Variants in ABCC11 observed in about 807,000 individuals in gnomAD.
ABCC11 encodes the protein ATP binding cassette subfamily C member 11.
Under a neutral mutation model 149.3 loss-of-function variants are expected in ABCC11, and 135 were observed. That is an observed-to-expected ratio of 0.90 (90% CI 0.79 to 1.04). The LOEUF (loss-of-function observed/expected upper bound fraction) is 1.04. Among genes scored for constraint, ABCC11 ranks in the 50% least tolerant of loss-of-function variants. The pLI, the probability that ABCC11 is intolerant of heterozygous loss-of-function variation, is 0.00. For missense variants in ABCC11, 1,680 were observed against 1,722.1 expected (o/e 0.98, Z 0.43); for synonymous variants, 665 against 671.4 (o/e 0.99, Z 0.15).
At chr16:48,181,974 T>C (rs1226720152) in intron 23 of ABCC11, among the ~76,000 whole-genome samples, 4 of 152,142 alleles carry the variant, frequency 2.6e-5, no homozygotes, top group Non-Finnish European at 5.9e-5. Context: ...ACTGAATGCC[T>C]GGAAGAGAGC....
At chr16:48,191,348 C>T (rs1316552031) in intron 20 of ABCC11, among the ~76,000 whole-genome samples, 2 of 152,092 alleles carry the variant, frequency 1.3e-5, no homozygotes, top group African/African-American at 2.4e-5. Context: ...CCAGCCTGCG[C>T]AACATGGCAA....
chr16:48,215,983 G>T, intron 7 of ABCC11, 131 bp downstream of exon 7: 1 of 979,576 alleles, frequency 1.0e-6, no homozygotes, highest in Non-Finnish European at 1.5e-6. Flanking sequence ...GTAGGGAGTG[G>T]AGCTGAATCT....
At chr16:48,180,394 T>G (rs1429180755) in intron 23 of ABCC11, among the ~76,000 whole-genome samples, 1 of 152,210 alleles carries the variant, frequency 6.6e-6, no homozygotes, top group Non-Finnish European at 1.5e-5. Flanking sequence ...AAAGCCAGGC[T>G]GTGGATGCCA....
At chr16:48,217,745 C>G (rs1269258058) in intron 6 of ABCC11, among the ~76,000 whole-genome samples, 1 of 152,200 alleles carries the variant, frequency 6.6e-6, no homozygotes, top group Non-Finnish European at 1.5e-5. Flanking sequence ...GTTTCCAGGA[C>G]ATGCCCTAGT....
chr16:48,211,269 T>C, intron 10 of ABCC11, 70 bp from the exon 11 acceptor site: 1 of 1,541,332 alleles, frequency 6.5e-7, no homozygotes, highest in South Asian at 1.2e-5. Context: ...GTGTTCCCAG[T>C]TTTACAAGTC....
At chr16:48,225,236 C>T (rs375933464) in intron 4 of ABCC11, among the ~76,000 whole-genome samples, 2 of 152,094 alleles carry the variant, frequency 1.3e-5, no homozygotes, top group South Asian at 4.2e-4. Context: ...AATAAAATAA[C>T]ACCACAGTAA....
rs745313037 is a variant in ABCC11, at chr16:48,175,348, C to T, written c.3608G>A (p.Gly1203Asp). Reference protein sequence around the residue: ...EPMAGRILIDGVDICSIGLED... With the variant: ...EPMAGRILIDDVDICSIGLED... ...CAGGCCGATGCTGCAAATGTCCACG[C>T]CGTCAATGAGAATCCGGCCTGCCAT... The change falls in exon 26 of 30, where the codon GGC becomes GAC. Residue 1203 changes from glycine (G) to aspartate (D), a missense_variant. By Grantham distance (94) the Gly-to-Asp change is moderately conservative (BLOSUM62 -1). Coordinates refer to ENST00000356608, the MANE Select transcript of ABCC11 (RefSeq NM_001370497.1). The T allele has an allele frequency of 3.3e-5, 53 of 1,614,036 alleles. No individual in the cohort carries two copies. In the East Asian group the frequency reaches 1.1e-3, roughly 35 times the overall value.
chr16:48,234,885 C>T (rs1416491470), intron 1 of ABCC11, among the ~76,000 whole-genome samples: 2 of 152,144 alleles, frequency 1.3e-5, no homozygotes, highest in Non-Finnish European at 2.9e-5. Context: ...AAAAGACCTC[C>T]CCTGGGAAAG....
At chr16:48,168,111 CTG>C (rs1193602250) in intron 28 of ABCC11, among the ~76,000 whole-genome samples, 12 of 152,122 alleles carry the variant, frequency 7.9e-5, no homozygotes, top group South Asian at 4.1e-4. Context: ...CATGAGGAAA[CTG>C]TAACTCACAC....
Position 48,219,596 on chromosome 16 carries a change from G to A in ABCC11, c.777+3002C>T, listed in dbSNP as rs768375508. ...ATTTTATTTTGTTTCCAAGGAGAAT[G>A]TATTCAGATAATTTTAAAAAATTAA... On this transcript the variant is annotated intron_variant, in intron 6 of 29. Coordinates refer to ENST00000356608, the MANE Select transcript of ABCC11 (RefSeq NM_001370497.1). Among the ~76,000 whole-genome samples, 24 of 152,252 alleles carry A rather than the reference G, an allele frequency of 1.6e-4. No individual in the cohort carries two copies. The South Asian group carries it at 3.3e-3, about 21-fold the overall frequency.
rs757245403 is a variant in ABCC11, at chr16:48,175,283, G to C, written c.3673C>G (p.Pro1225Ala). 9 of 1,613,806 alleles carry C rather than the reference G, an allele frequency of 5.6e-6. No homozygotes were observed. The East Asian group carries it at 2.0e-4, about 36-fold the overall frequency. ...RSKLSVIPQD[P>A]VLLSGTIRFN... ...CTGATGGTTCCTGAGAGCAGCACTGGATCTTGAGGGATCACTGAGAGCTTG... is the reference window on the plus strand; with the variant it reads ...CTGATGGTTCCTGAGAGCAGCACTGCATCTTGAGGGATCACTGAGAGCTTG... The change falls in exon 26 of 30, where the codon CCA (proline) becomes GCA (alanine). Residue 1225 changes from proline to alanine, a missense_variant. Physicochemically the swap from Pro to Ala is conservative, Grantham distance 27. Transcript: ENST00000356608.
chr16:48,203,289 A>G lies in ABCC11; in HGVS notation c.1817T>C (p.Val606Ala), dbSNP rs765840731. The change falls in exon 14 of 30, where the codon GTG (valine) becomes GCG (alanine). Residue 606 changes from valine to alanine, a missense_variant. Transcript: ENST00000356608. Reference protein sequence around the residue: ...GAYDKARYLQVLHCCSLNRDL... With the variant: ...GAYDKARYLQALHCCSLNRDL... ...CCGATTCAGGGAGCAGCAGTGGAGC[A>G]CCTGGAGGTATCTGTGAAGGACAGG... The G allele has an allele frequency of 6.3e-7, 1 of 1,578,720 alleles. No homozygotes were observed. Among genetic ancestry groups the G allele is most frequent in the East Asian group, 2.3e-5 (1 of 43,508 alleles).
Position 48,167,568 on chromosome 16 carries a change from G to C in ABCC11, c.3984C>G (p.Thr1328=), listed in dbSNP as rs112476349. 1.2e-6 allele frequency: 2 copies of C among 1,614,112 alleles called. No individual in the cohort carries two copies. The highest frequency in any genetic ancestry group is 1.1e-5 in the South Asian group (1 of 91,082). The change falls in exon 29 of 30, where the codon ACC becomes ACG. Residue 1328 remains threonine, a synonymous_variant. Coordinates refer to ENST00000356608, the MANE Select transcript of ABCC11 (RefSeq NM_001370497.1). ...TGACACGGTGGGCAATGACGAGCAC[G>C]GTGCAGCCCTGGAAGGCTTCACGGA... ...RTIREAFQGC[T]VLVIAHRVTT...
intron 20 of ABCC11, among the ~76,000 whole-genome samples, chr16:48,190,823 C>A (rs906125015): frequency 6.6e-6 from 1 of 152,214 alleles, no homozygotes; most frequent in Non-Finnish European, 1.5e-5. Flanking sequence ...TGGAGGCCAG[C>A]GTCACTGTGG....
At chr16:48,170,681 G>C (rs1965658458) in intron 27 of ABCC11, among the ~76,000 whole-genome samples, 1 of 152,194 alleles carries the variant, frequency 6.6e-6, no homozygotes, top group Admixed American at 6.5e-5. Flanking sequence ...CTGTGCCCCT[G>C]AGCCTAGAAC....
At position 48,216,191 on chromosome 16, in the gene ABCC11, T is replaced by C. The variant is rs1055349761; in HGVS notation, c.874A>G (p.Ser292Gly). 5 of 1,614,198 alleles carry C rather than the reference T, an allele frequency of 3.1e-6. No individual in the cohort carries two copies. The highest frequency in any genetic ancestry group is 3.4e-6 in the Non-Finnish European group (4 of 1,180,018). Reference protein sequence around the residue: ...LITCASLVICSISSYFIIGYT... With the variant: ...LITCASLVICGISSYFIIGYT... Reference sequence around the variant, plus strand: ...CCAATAATGAAGTAGGAAGAAATGCTGCAGATGACCAGCGATGCGCAGGTG... The same window carrying C: ...CCAATAATGAAGTAGGAAGAAATGCCGCAGATGACCAGCGATGCGCAGGTG... Residue 292 changes from serine to glycine, a missense_variant, in exon 7 of 30, where the codon AGC becomes GGC. Coordinates refer to ENST00000356608, the MANE Select transcript of ABCC11 (RefSeq NM_001370497.1).
chr16:48,205,227 G>T (rs1441375582), intron 13 of ABCC11, among the ~76,000 whole-genome samples, 186 bp downstream of exon 13: 1 of 152,142 alleles, frequency 6.6e-6, no homozygotes, highest in Non-Finnish European at 1.5e-5. Context: ...AACCTCTTGG[G>T]GCCTCAGCTG....
rs1225084562 is a variant in ABCC11, at chr16:48,224,363, C to T, written c.462G>A (p.Val154=). The T allele has an allele frequency of 6.2e-7, 1 of 1,614,194 alleles. No individual in the cohort carries two copies. Among genetic ancestry groups the T allele is most frequent in the Admixed American group, 1.7e-5 (1 of 60,010 alleles). The change falls in exon 5 of 30, where the codon GTG becomes GTA. Residue 154 remains valine, a synonymous_variant. Coordinates refer to ENST00000356608, the MANE Select transcript of ABCC11 (RefSeq NM_001370497.1). ...RGIEKASVLL[V]MLRFQRTRLI... ...ACCTTGTTCTCTGGAACCTCAGCAT[C>T]ACCAGAAGCACTGAAGCTTTTTCAA...
At chr16:48,245,858 A>G (rs143365703) in intron 1 of ABCC11, among the ~76,000 whole-genome samples, 1 of 152,050 alleles carries the variant, frequency 6.6e-6, no homozygotes, top group African/African-American at 2.4e-5. Flanking sequence ...TATGCTCTCA[A>G]CAAGTATCTT....
Sources: gnomAD v4.1 joint callset for allele counts (sites outside exome capture counted in the v4.1 genomes callset) on GRCh38, gnomAD v4.1.1 for gene constraint, MANE v1.5 for transcripts, NCBI Gene and HGNC (gene_info 2026-07-23, HGNC 2026-07-21) for gene names.